Variants in ATP8B4 observed in about 807,000 individuals in gnomAD.
The protein encoded by ATP8B4 is ATPase phospholipid transporting 8B4 (putative), also known as probable phospholipid-transporting ATPase IM.
Under a neutral mutation model 145.6 loss-of-function variants are expected in ATP8B4, and 133 were observed. The ratio of observed to expected loss-of-function variants is 0.91; its 90% CI spans 0.79 to 1.05. The LOEUF (loss-of-function observed/expected upper bound fraction) is 1.05. Ranked by LOEUF, ATP8B4 falls within the 50% of genes least tolerant of loss-of-function variation. The pLI, the probability that ATP8B4 is intolerant of heterozygous loss-of-function variation, is 0.00. For missense variants in ATP8B4, 1,458 were observed against 1,425.2 expected (o/e 1.02, Z -0.37); for synonymous variants, 507 against 492.9 (o/e 1.03, Z -0.38).
intron 25 of ATP8B4, among the ~76,000 whole-genome samples, chr15:49,875,760 A>G (rs1423942902): frequency 2.0e-5 from 3 of 152,194 alleles, no homozygotes. Flanking sequence ...CTCAAGATGG[A>G]AGAAGGTCAA....
intron 6 of ATP8B4, among the ~76,000 whole-genome samples, chr15:50,023,778 GCA>G (rs1491532306): frequency 3.0e-4 from 8 of 26,532 alleles, no homozygotes; most frequent in African/African-American, 1.4e-3. Context: ...GAGACCAAAG[GCA>G]AAAAAAAAAA....
intron 15 of ATP8B4, among the ~76,000 whole-genome samples, chr15:49,932,815 G>C (rs1031253075): frequency 2.0e-5 from 3 of 151,956 alleles, no homozygotes; most frequent in Non-Finnish European, 4.4e-5. Flanking sequence ...GTCCCCCAAA[G>C]ACTACTCTCA....
chr15:50,076,502 A>G (rs1421917037), intron 2 of ATP8B4, among the ~76,000 whole-genome samples: 2 of 151,042 alleles, frequency 1.3e-5, no homozygotes, highest in African/African-American at 4.9e-5. Flanking sequence ...AAAAAAAAAG[A>G]AAAAAGAAAA....
chr15:50,093,886 G>C (rs73400871), intron 2 of ATP8B4, among the ~76,000 whole-genome samples: 3,891 of 152,236 alleles, frequency 0.026, 164 homozygotes, highest in African/African-American at 0.09. Flanking sequence ...AGCACTGCTA[G>C]AGATAGAGTC....
chr15:50,147,756 C>A (rs12915987), intron 1 of ATP8B4, among the ~76,000 whole-genome samples: 35,048 of 151,830 alleles, frequency 0.23, 4,643 homozygotes, highest in East Asian at 0.4. Flanking sequence ...TGAGTCTATA[C>A]CCAACCTTTA....
intron 1 of ATP8B4, among the ~76,000 whole-genome samples, chr15:50,136,576 GC>G (rs2044124439): frequency 6.6e-6 from 1 of 152,192 alleles, no homozygotes; most frequent in Admixed American, 6.5e-5. Context: ...GTGCTTAATT[GC>G]TAAGTAGAAA....
At chr15:49,949,311 T>G (rs2153487906) in intron 14 of ATP8B4, among the ~76,000 whole-genome samples, 1 of 152,362 alleles carries the variant, frequency 6.6e-6, no homozygotes, top group South Asian at 2.1e-4. Flanking sequence ...CATGGAATGT[T>G]TTCCCATTTG....
chr15:50,028,100 T>A (rs1434609637), intron 6 of ATP8B4, among the ~76,000 whole-genome samples: 2 of 152,218 alleles, frequency 1.3e-5, no homozygotes, highest in African/African-American at 4.8e-5. Flanking sequence ...GGCTTCCTCA[T>A]CTCACAGCTC....
intron 4 of ATP8B4, 28 bp from the exon 5 acceptor site, chr15:50,044,720 G>C (rs756015837): frequency 1.7e-5 from 26 of 1,516,300 alleles, no homozygotes; most frequent in Non-Finnish European, 2.4e-5. Flanking sequence ...AATAGTTTAG[G>C]GCTTTTAAAG....
At chr15:50,021,069 C>T (rs889778391) in intron 6 of ATP8B4, among the ~76,000 whole-genome samples, 1 of 151,838 alleles carries the variant, frequency 6.6e-6, no homozygotes, top group African/African-American at 2.4e-5. Context: ...TTGTACTGTT[C>T]TATTTGTGTG....
At position 50,007,933 on chromosome 15, in the gene ATP8B4, G is replaced by A. The variant is rs185796809; in HGVS notation, c.435+2912C>T. Among the ~76,000 whole-genome samples the A allele has an allele frequency of 3.9e-5, 6 of 152,234 alleles. No individual in the cohort carries two copies. In the East Asian group the frequency reaches 7.7e-4, roughly 20 times the overall value. ...GTGGATTTGAAGGACTCCCATCCTC[G>A]GTTATCCAAAGATTAGGCCAACAGA... On this transcript the variant is annotated intron_variant, in intron 7 of 27. Coordinates refer to ENST00000284509, the MANE Select transcript of ATP8B4 (RefSeq NM_024837.4).
chr15:49,901,643 ATCT>A (rs2038046296), intron 20 of ATP8B4: 3 of 284,352 alleles, frequency 1.1e-5, no homozygotes, highest in South Asian at 3.3e-5. Context: ...AATTGATGAA[ATCT>A]TCTAGGAATT....
At position 49,901,097 on chromosome 15, in the gene ATP8B4, T is replaced by C. The variant is rs750401417; in HGVS notation, c.2284A>G (p.Ser762Gly). The C allele has an allele frequency of 6.8e-6, 11 of 1,612,410 alleles. No homozygotes were observed. Among genetic ancestry groups the C allele is most frequent in the Non-Finnish European group, 9.3e-6 (11 of 1,179,264 alleles). ...AAAACCTTAGGCAAACTCACCAAAC[T>C]GTGGCCATTTATGATTAAGGCATAA... ...GDYALIINGH[S>G]LAHALESDVK... Residue 762 changes from serine to glycine, a missense_variant, in exon 21 of 28, where the codon AGT becomes GGT. Coordinates refer to ENST00000284509, the MANE Select transcript of ATP8B4 (RefSeq NM_024837.4).
chr15:49,920,123 G>A, intron 18 of ATP8B4, 123 bp downstream of exon 18: 1 of 1,254,682 alleles, frequency 8.0e-7, no homozygotes, highest in Admixed American at 2.2e-5. Flanking sequence ...ATGATTCAGT[G>A]ATTGAAAGAG....
chr15:49,934,486 A>C (rs570275425), intron 14 of ATP8B4, among the ~76,000 whole-genome samples: 21 of 152,230 alleles, frequency 1.4e-4, no homozygotes, highest in Non-Finnish European at 2.5e-4. Context: ...CAGAAAATGC[A>C]AAGTTTTTTC....
At chr15:49,979,592 A>G in intron 12 of ATP8B4, 25 bp downstream of exon 12, 1 of 1,400,612 alleles carries the variant, frequency 7.1e-7, no homozygotes, top group Non-Finnish European at 9.5e-7. Flanking sequence ...AAATTATTTC[A>G]TTAAAATATA....
intron 25 of ATP8B4, among the ~76,000 whole-genome samples, chr15:49,867,627 T>C (rs2033022386): frequency 6.6e-6 from 1 of 152,188 alleles, no homozygotes; most frequent in Non-Finnish European, 1.5e-5. Context: ...GCCTGATCTG[T>C]GTGGGTAAGA....
chr15:50,072,925 T>TCC (rs2053850379), intron 3 of ATP8B4, among the ~76,000 whole-genome samples: 2 of 8,752 alleles, frequency 2.3e-4, no homozygotes, highest in Admixed American at 1.7e-3. Flanking sequence ...GCCCGGCCTC[T>TCC]CTCTCTCTCT....
chr15:50,165,515 C>T (rs1256374718), intron 1 of ATP8B4, among the ~76,000 whole-genome samples: 2 of 152,062 alleles, frequency 1.3e-5, no homozygotes, highest in Non-Finnish European at 2.9e-5. Context: ...TCTCTTTGGT[C>T]ATCTTGCTCT....
Sources: allele counts gnomAD v4.1 joint callset (sites outside exome capture counted in the v4.1 genomes callset), GRCh38; gene constraint gnomAD v4.1.1; transcripts MANE v1.5; gene names NCBI Gene and HGNC (gene_info 2026-07-23, HGNC 2026-07-21).